EVC2: variants seen among roughly 807,000 people sequenced by gnomAD.
EVC2 encodes the protein EvC ciliary complex subunit 2, also known as limbin.
In EVC2, 148 loss-of-function variants were observed where a neutral mutation model predicts 149.3. The ratio of observed to expected loss-of-function variants is 0.99; its 90% CI spans 0.87 to 1.14. EVC2 has a LOEUF of 1.14. EVC2 is among the 50% of genes most tolerant of loss of function. The pLI is 0.00. For missense variants in EVC2, 1,854 were observed against 1,627.3 expected, an observed-to-expected ratio of 1.14 and a Z score of -2.40; for synonymous variants, 776 against 649.9, an observed-to-expected ratio of 1.19 and a Z score of -2.95.
At chr4:5,565,509 A>G in intron 20 of EVC2, 150 bp from the exon 21 acceptor site, 2 of 656,306 alleles carry the variant, frequency 3.0e-6, no homozygotes, top group Admixed American at 4.3e-5. Flanking sequence ...AGTCTCTACT[A>G]AAAAATACAA....
rs996084298 is a variant in EVC2 at position 5,670,580 on chromosome 4, C to T, written c.871-4931G>A. Reference sequence around the variant, plus strand: ...TTCACATTGGCCATCACCACCATCACTATCAACATCATCAATATCACCATC... The same window carrying T: ...TTCACATTGGCCATCACCACCATCATTATCAACATCATCAATATCACCATC... On this transcript the variant is annotated intron_variant, in intron 7 of 21. Transcript: ENST00000344408. The surrounding 1 kb of genome is among the most constrained non-coding windows in gnomAD (Gnocchi z 5.2). 6.7e-6 allele frequency among the ~76,000 whole-genome samples: 1 copy of T among 150,108 alleles called. No individual in the cohort carries two copies. The highest frequency in any genetic ancestry group is 1.5e-5 in the Non-Finnish European group (1 of 67,572).
At chr4:5,673,104 G>A (rs1032866886) in intron 7 of EVC2, among the ~76,000 whole-genome samples, 1 of 152,194 alleles carries the variant, frequency 6.6e-6, no homozygotes, top group Non-Finnish European at 1.5e-5. Context: ...TGTAGTAACT[G>A]TCAATAACAG....
chr4:5,617,512 G>A (rs1211546919), intron 15 of EVC2, among the ~76,000 whole-genome samples: 4 of 152,216 alleles, frequency 2.6e-5, no homozygotes, highest in Non-Finnish European at 5.9e-5. Flanking sequence ...GCACCCTTGA[G>A]TGGTGAATGG....
the EVC2 span, among the ~76,000 whole-genome samples, chr4:5,532,618 T>C: frequency 4.8e-3 from 731 of 152,226 alleles, 7 homozygotes; most frequent in African/African-American, 0.017. Flanking sequence ...AGTTGTGTCC[T>C]TCCTTCTAAA....
intron 6 of EVC2, among the ~76,000 whole-genome samples, chr4:5,684,668 C>T (rs1176684126): frequency 2.0e-5 from 3 of 152,190 alleles, no homozygotes; most frequent in Non-Finnish European, 4.4e-5. Context: ...GATGGGGAGA[C>T]TCACAGTAAT....
intron 21 of EVC2, among the ~76,000 whole-genome samples, chr4:5,550,669 G>A (rs1255297129): frequency 1.3e-5 from 2 of 152,332 alleles, no homozygotes; most frequent in South Asian, 4.1e-4. Context: ...CATAAGTAAT[G>A]AGGAGCCCAA....
At chr4:5,705,537 A>G (rs1722074389) in intron 1 of EVC2, among the ~76,000 whole-genome samples, 1 of 114,796 alleles carries the variant, frequency 8.7e-6, no homozygotes, top group Admixed American at 9.8e-5. Flanking sequence ...TAACATAAAT[A>G]GCATTTTTTT....
intron 3 of EVC2, 42 bp from the exon 4 acceptor site, chr4:5,691,375 T>C (rs1213499389): frequency 1.3e-6 from 2 of 1,505,160 alleles, no homozygotes; most frequent in Admixed American, 3.3e-5. Context: ...GAGAAATATT[T>C]CATGCTATAC....
chr4:5,588,887 G>A (rs1355519177), intron 16 of EVC2, among the ~76,000 whole-genome samples: 3 of 152,154 alleles, frequency 2.0e-5, no homozygotes, highest in Non-Finnish European at 4.4e-5. Context: ...TGATGCCCTT[G>A]AGCAGTACAA....
intron 21 of EVC2, among the ~76,000 whole-genome samples, chr4:5,549,849 G>A (rs1721699533): frequency 6.6e-6 from 1 of 152,188 alleles, no homozygotes; most frequent in Non-Finnish European, 1.5e-5. Context: ...CATGTTGTGG[G>A]AGGTAATTGA....
Position 5,613,538 on chromosome 4 carries a change from A to T in EVC2, c.2829+1884T>A, listed in dbSNP as rs769420351. On this transcript the variant is annotated intron_variant, in intron 16 of 21. Transcript: ENST00000344408. The surrounding 1 kb of genome is among the most constrained non-coding windows in gnomAD (Gnocchi z 4.6). The stretch of plus-strand genomic sequence containing the variant: ...TCCAGCTCTCTCCTCTTCTTGCTGT[A>T]AACTGGGAATAAACTGGGACAGCTT... Among the ~76,000 whole-genome samples, 6 of 152,096 alleles carry T rather than the reference A, an allele frequency of 3.9e-5. No individual in the cohort carries two copies. Among genetic ancestry groups the T allele is most frequent in the Non-Finnish European group, 7.4e-5 (5 of 68,012 alleles).
chr4:5,655,227 G>A (rs925578944), intron 9 of EVC2, among the ~76,000 whole-genome samples: 6 of 152,158 alleles, frequency 3.9e-5, no homozygotes, highest in Admixed American at 1.3e-4. Flanking sequence ...CCACCTCTCA[G>A]GAAATCCAGA....
intron 10 of EVC2, among the ~76,000 whole-genome samples, chr4:5,635,029 CTTTTTTT>C (rs34769603): frequency 5.6e-4 from 40 of 71,444 alleles, no homozygotes; most frequent in Non-Finnish European, 8.0e-4. Flanking sequence ...AACAAATGTG[CTTTTTTT>C]TTTTTTTTTT....
intron 9 of EVC2, among the ~76,000 whole-genome samples, chr4:5,662,060 G>A (rs1000023932): frequency 3.9e-5 from 6 of 152,108 alleles, no homozygotes; most frequent in African/African-American, 1.2e-4. Flanking sequence ...CACCTGGTCT[G>A]GCCTCTCTCC....
intron 6 of EVC2, among the ~76,000 whole-genome samples, chr4:5,683,835 G>A (rs907370702): frequency 1.3e-5 from 2 of 149,874 alleles, no homozygotes; most frequent in Admixed American, 1.3e-4. Context: ...CAGCTGCCCA[G>A]GAACACACAC....
chr4:5,692,047 T>C (rs2151734584), intron 3 of EVC2, among the ~76,000 whole-genome samples: 1 of 152,332 alleles, frequency 6.6e-6, no homozygotes, highest in Admixed American at 6.5e-5. Context: ...AAGCCCTCCT[T>C]GGCTCTCCTT....
At chr4:5,573,303 G>T (rs184349732) in intron 19 of EVC2, among the ~76,000 whole-genome samples, 2 of 152,306 alleles carry the variant, frequency 1.3e-5, no homozygotes, top group East Asian at 3.9e-4. Context: ...GATTATCCAG[G>T]TGGTTCCAAT....
At chr4:5,564,498 G>A (rs1299020536) in intron 21 of EVC2, among the ~76,000 whole-genome samples, 2 of 152,254 alleles carry the variant, frequency 1.3e-5, no homozygotes, top group Admixed American at 6.5e-5. Context: ...TATGAAGCTC[G>A]GTCTCAGCAC....
chr4:5,589,165 T>G (rs575044268), intron 16 of EVC2, among the ~76,000 whole-genome samples: 9 of 152,372 alleles, frequency 5.9e-5, no homozygotes, highest in African/African-American at 2.2e-4. Context: ...GTTAAGCTAC[T>G]TGGAAACAGG....
Sources: allele counts gnomAD v4.1 joint callset (sites outside exome capture counted in the v4.1 genomes callset), GRCh38; gene constraint gnomAD v4.1.1; non-coding constraint Gnocchi (gnomAD v3.1); transcripts MANE v1.5; gene names NCBI Gene and HGNC (gene_info 2026-07-23, HGNC 2026-07-21).